The following DUSP15 variants were observed in gnomAD, a reference collection of about 807,000 sequenced individuals.
DUSP15 encodes dual specificity phosphatase 15, also known as dual specificity protein phosphatase 15.
DUSP15 carries 23 observed loss-of-function variants against 26.3 expected under a neutral mutation model. The ratio of observed to expected loss-of-function variants is 0.87; its 90% CI spans 0.63 to 1.24. DUSP15 has a LOEUF of 1.24. Ranked by LOEUF, DUSP15 falls within the 50% of genes most tolerant of loss-of-function variation. DUSP15 has a pLI of 0.00. For synonymous variants in DUSP15, 143 were observed against 135.5 expected, an observed-to-expected ratio of 1.06 and a Z score of -0.39; for missense variants, 364 against 320.6, an observed-to-expected ratio of 1.14 and a Z score of -1.03.
chr20:31,849,653 C>T, intron 8 of DUSP15: 1 of 1,518,356 alleles, frequency 6.6e-7, no homozygotes. Flanking sequence ...CCCTCCGGAG[C>T]CACCCAGAGC....
downstream of DUSP15, among the ~76,000 whole-genome samples, chr20:31,859,719 G>A (rs957470391): frequency 1.3e-5 from 2 of 152,088 alleles, no homozygotes; most frequent in African/African-American, 2.4e-5. Flanking sequence ...GTGCAGTAGC[G>A]CAATCTTGGC....
At chr20:31,853,365 T>C (rs1472141828) in intron 6 of DUSP15, among the ~76,000 whole-genome samples, 1 of 152,066 alleles carries the variant, frequency 6.6e-6, no homozygotes. Context: ...TCCCTACCTA[T>C]TGTCATACAC....
At chr20:31,850,808 G>C (rs997626141) in intron 6 of DUSP15, 2 of 925,710 alleles carry the variant, frequency 2.2e-6, no homozygotes, top group Admixed American at 4.1e-5. Flanking sequence ...AAAGGGCCTG[G>C]AGGAGGATGG....
intron 7 of DUSP15, chr20:31,849,988 C>G: frequency 7.5e-7 from 1 of 1,340,488 alleles, no homozygotes; most frequent in East Asian, 2.8e-5. Flanking sequence ...GCCTCTACCT[C>G]GGAAATTTTG....
upstream of DUSP15, chr20:31,870,530 T>C (rs11546535): frequency 7.5e-3 from 10,823 of 1,446,668 alleles, 85 homozygotes; most frequent in Middle Eastern, 0.03. This position sits in a 1 kb window ranked among gnomAD's most constrained non-coding sequence, Gnocchi z 6.6. Context: ...AGGGAAATGG[T>C]GGTGGAGCCG....
chr20:31,849,600 G>A, intron 8 of DUSP15: 1 of 1,415,176 alleles, frequency 7.1e-7, no homozygotes. Flanking sequence ...ACCTTGTTGG[G>A]CTGCGCCAGT....
intron 4 of DUSP15, 119 bp downstream of exon 4, chr20:31,864,834 T>G: frequency 9.2e-7 from 1 of 1,091,922 alleles, no homozygotes; most frequent in South Asian, 1.4e-5. Context: ...ACTGGTTGAG[T>G]TGAACACCTG....
At chr20:31,862,898 C>T (rs2062691710) in intron 5 of DUSP15, among the ~76,000 whole-genome samples, 156 bp from the exon 6 acceptor site, 1 of 152,228 alleles carries the variant, frequency 6.6e-6, no homozygotes. Flanking sequence ...AGGCCTTTGC[C>T]ATGCTGTTCC....
chr20:31,870,623 G>C, upstream of DUSP15: 1 of 1,351,444 alleles, frequency 7.4e-7, no homozygotes, highest in East Asian at 2.9e-5. The surrounding 1 kb of genome is among the most constrained non-coding windows in gnomAD (Gnocchi z 6.6). Context: ...CGGGGGGCCG[G>C]ACAAAGCCCC....
intron 6 of DUSP15, among the ~76,000 whole-genome samples, chr20:31,852,848 T>G (rs2062496484): frequency 6.6e-6 from 1 of 152,198 alleles, no homozygotes; most frequent in South Asian, 2.1e-4. Flanking sequence ...TCCAGCTGGC[T>G]GCACTCACTC....
chr20:31,859,283 T>G (rs1217403602), downstream of DUSP15, among the ~76,000 whole-genome samples: 1 of 129,050 alleles, frequency 7.7e-6, no homozygotes, highest in Non-Finnish European at 1.6e-5. Flanking sequence ...GTAAATTTCA[T>G]GTCTATGCAT....
intron 3 of DUSP15, 120 bp downstream of exon 3, chr20:31,866,951 G>A: frequency 9.8e-7 from 1 of 1,017,510 alleles, no homozygotes; most frequent in South Asian, 1.6e-5. Flanking sequence ...CAGTGGTGGA[G>A]ACCAAATGAG....
rs914202039 is a variant in DUSP15 at position 31,849,990 on chromosome 20, G to A, written c.492-116C>T. The stretch of plus-strand genomic sequence containing the variant: ...AGAGGTCGTCCCAGCCTCTACCTCG[G>A]AAATTTTGGGTGCTCTCTCCCTATC... On this transcript the variant is annotated intron_variant, in intron 7 of 9. Transcript: ENST00000278979. 7.8e-6 allele frequency: 10 copies of A among 1,282,866 alleles called. No individual in the cohort carries two copies. The Admixed American group carries it at 3.2e-4, about 42-fold the overall frequency. The allele number at this position is 1,282,866 out of a possible 1,614,324, so 79.5% of individuals were successfully genotyped here.
At chr20:31,858,808 C>A (rs768795500), downstream of DUSP15, among the ~76,000 whole-genome samples, 26 of 152,186 alleles carry the variant, frequency 1.7e-4, no homozygotes, top group Non-Finnish European at 3.1e-4. This position sits in a 1 kb window ranked among gnomAD's most constrained non-coding sequence, Gnocchi z 4.4. Context: ...TGAGAGGCAG[C>A]AACTCGTTTC....
intron 1 of DUSP15, chr20:31,869,979 AG>A: frequency 1.5e-6 from 2 of 1,341,572 alleles, no homozygotes; most frequent in Non-Finnish European, 1.9e-6. Flanking sequence ...ATGGAGAAAC[AG>A]CCCCGGAGAG....
At chr20:31,845,987 G>T (rs138230862), downstream of DUSP15, among the ~76,000 whole-genome samples, 1 of 151,876 alleles carries the variant, frequency 6.6e-6, no homozygotes, top group Non-Finnish European at 1.5e-5. Flanking sequence ...AAGAGGGAGA[G>T]ACAAAGATAA....
intron 4 of DUSP15, among the ~76,000 whole-genome samples, 166 bp downstream of exon 4, chr20:31,864,787 A>G (rs1337552276): frequency 1.3e-5 from 2 of 152,208 alleles, no homozygotes; most frequent in Non-Finnish European, 2.9e-5. Flanking sequence ...CCAAGGGCCT[A>G]TCACAAGGGC....
At chr20:31,870,617 G>A, upstream of DUSP15, 2 of 1,363,064 alleles carry the variant, frequency 1.5e-6, no homozygotes, top group South Asian at 1.9e-5. This position sits in a 1 kb window ranked among gnomAD's most constrained non-coding sequence, Gnocchi z 6.6. Flanking sequence ...TCGCGGCGGG[G>A]GGCCGGACAA....
chr20:31,850,889 G>C (rs115762199), intron 6 of DUSP15, among the ~76,000 whole-genome samples: 8 of 152,144 alleles, frequency 5.3e-5, no homozygotes, highest in Non-Finnish European at 1.2e-4. Flanking sequence ...TGGCAAATCC[G>C]GAGCCATCCT....
Sources: allele counts gnomAD v4.1 joint callset (sites outside exome capture counted in the v4.1 genomes callset), GRCh38; gene constraint gnomAD v4.1.1; non-coding constraint Gnocchi (gnomAD v3.1); transcripts MANE v1.5; gene names NCBI Gene and HGNC (gene_info 2026-07-23, HGNC 2026-07-21).